The following KRT7 variants were observed in gnomAD, a reference collection of about 807,000 sequenced individuals.
KRT7 encodes keratin 7.
Under a neutral mutation model 42.8 loss-of-function variants are expected in KRT7, and 50 were observed. The ratio of observed to expected loss-of-function variants is 1.17; its 90% CI spans 0.93 to 1.48. The LOEUF (loss-of-function observed/expected upper bound fraction) is 1.48. Ranked by LOEUF, KRT7 falls within the 40% of genes most tolerant of loss-of-function variation. The pLI is 0.00. For missense variants in KRT7, 588 were observed against 637.6 expected (o/e 0.92, Z 0.84); for synonymous variants, 268 against 266.3 (o/e 1.01, Z -0.06).
Position 52,233,503 on chromosome 12 carries a change from C to T in KRT7, c.207C>T (p.Asn69=). ...VGAGIREVTI[N]QSLLAPLRLD... is the part of the protein sequence containing the mutation. ...CCGGCATCCGCGAGGTCACCATTAA[C>T]CAGAGCCTGCTGGCCCCGCTGCGGC... The change falls in exon 1 of 9, where the codon AAC becomes AAT. Residue 69 remains asparagine (N), a synonymous_variant. Transcript: ENST00000331817. 1 of 1,612,596 alleles carries T rather than the reference C, an allele frequency of 6.2e-7. No individual in the cohort carries two copies. Among genetic ancestry groups the T allele is most frequent in the Non-Finnish European group, 8.5e-7 (1 of 1,179,744 alleles).
intron 2 of KRT7, among the ~76,000 whole-genome samples, 182 bp from the exon 3 acceptor site, chr12:52,237,327 C>T (rs1218793352): frequency 4.2e-4 from 64 of 152,126 alleles, no homozygotes; most frequent in Admixed American, 4.2e-3. Context: ...GACTCAAAGC[C>T]CTAGGAATGG....
At chr12:52,247,886 C>T (rs965510572) in intron 7 of KRT7, 3 of 476,874 alleles carry the variant, frequency 6.3e-6, no homozygotes, top group Non-Finnish European at 7.5e-6. Context: ...GTCATTTAAC[C>T]CTCACAGGCC....
downstream of KRT7, chr12:52,253,569 T>C (rs368824935): frequency 9.4e-6 from 15 of 1,599,580 alleles, no homozygotes; most frequent in African/African-American, 1.1e-4. Context: ...CCAACTGCCA[T>C]GTCTAGCAGG....
chr12:52,236,243 T>G (rs1345825822), intron 2 of KRT7, among the ~76,000 whole-genome samples: 1 of 147,840 alleles, frequency 6.8e-6, no homozygotes, highest in East Asian at 2.1e-4. Context: ...GTCAACAGGA[T>G]TAGTCCCATA....
chr12:52,234,876 C>T (rs1180955588), intron 1 of KRT7, among the ~76,000 whole-genome samples: 1 of 152,208 alleles, frequency 6.6e-6, no homozygotes, highest in Non-Finnish European at 1.5e-5. Context: ...GAGAACACCA[C>T]CTGTAATGTG....
chr12:52,251,916 G>A, downstream of KRT7: 1 of 485,686 alleles, frequency 2.1e-6, no homozygotes, highest in Non-Finnish European at 4.0e-6. Flanking sequence ...TTGAGGCAGA[G>A]ACTACATGGC....
downstream of KRT7, chr12:52,255,338 G>A: frequency 2.2e-6 from 1 of 456,794 alleles, no homozygotes. Flanking sequence ...CAAGGATTCT[G>A]GGGTCACTCA....
downstream of KRT7, chr12:52,253,194 G>T (rs1942293405): frequency 6.3e-7 from 1 of 1,591,522 alleles, no homozygotes; most frequent in African/African-American, 1.3e-5. Context: ...ACACTGAGGG[G>T]TGGGCTGGGC....
At chr12:52,234,151 C>A (rs1941975437) in intron 1 of KRT7, among the ~76,000 whole-genome samples, 1 of 151,462 alleles carries the variant, frequency 6.6e-6, no homozygotes, top group South Asian at 2.1e-4. Context: ...CCGCCCCTCC[C>A]CTCCCCCACC....
chr12:52,233,507 A>G lies in KRT7; in HGVS notation c.211A>G (p.Ser71Gly), dbSNP rs771165304. The change falls in exon 1 of 9, where the codon AGC becomes GGC. Residue 71 changes from serine to glycine, a missense_variant. By Grantham distance (56) the Ser-to-Gly change is moderately conservative. Transcript: ENST00000331817. ...CATCCGCGAGGTCACCATTAACCAGAGCCTGCTGGCCCCGCTGCGGCTGGA... is the reference window on the plus strand; with the variant it reads ...CATCCGCGAGGTCACCATTAACCAGGGCCTGCTGGCCCCGCTGCGGCTGGA... ...AGIREVTINQ[S>G]LLAPLRLDAD... The G allele has an allele frequency of 6.2e-7, 1 of 1,612,408 alleles. No individual in the cohort carries two copies. Among genetic ancestry groups the G allele is most frequent in the African/African-American group, 1.3e-5 (1 of 74,848 alleles).
rs1394980012 is a variant in KRT7 at position 52,248,334 on chromosome 12, C to T, written c.1240+123C>T. 4 of 1,002,954 alleles carry T rather than the reference C, an allele frequency of 4.0e-6. No homozygotes were observed. The Admixed American group carries it at 8.0e-5, about 20-fold the overall frequency. 62.1% of individuals were successfully genotyped at this position (1,002,954 alleles called of 1,614,324 possible). A position where few individuals can be genotyped will look rare whatever the true frequency, so the allele number is the denominator to read the frequency against. On this transcript the variant is annotated intron_variant, in intron 8 of 8. Coordinates refer to ENST00000331817, the MANE Select transcript of KRT7 (RefSeq NM_005556.4). ...GGGCCAGGAGACTCCTTCCTTTCTA[C>T]AGGGATTGACAGGTCCCCTGGAGCA... is the stretch of plus-strand genomic sequence containing the variant.
intron 4 of KRT7, 89 bp downstream of exon 4, chr12:52,238,864 C>G: frequency 1.2e-6 from 1 of 820,250 alleles, no homozygotes; most frequent in Non-Finnish European, 2.1e-6. Context: ...CTGTGTCAGT[C>G]CAGATATGTG....
chr12:52,251,816 C>A, downstream of KRT7: 1 of 359,374 alleles, frequency 2.8e-6, no homozygotes, highest in Non-Finnish European at 5.5e-6. Flanking sequence ...TCCTGTTTGT[C>A]AATCAAGTTT....
At chr12:52,243,840 TG>T (rs1942130317) in intron 6 of KRT7, among the ~76,000 whole-genome samples, 2 of 152,266 alleles carry the variant, frequency 1.3e-5, no homozygotes, top group South Asian at 4.1e-4. Context: ...AAGTGATTGA[TG>T]GTCCCTACCT....
intron 8 of KRT7, 53 bp downstream of exon 8, chr12:52,248,264 G>T: frequency 6.3e-7 from 1 of 1,585,586 alleles, no homozygotes; most frequent in Non-Finnish European, 8.7e-7. Flanking sequence ...GTTTAGATGG[G>T]GCTGGGTCTA....
chr12:52,236,051 T>C (rs936601266), intron 2 of KRT7, among the ~76,000 whole-genome samples: 1 of 152,076 alleles, frequency 6.6e-6, no homozygotes, highest in Non-Finnish European at 1.5e-5. Flanking sequence ...AACAAAAGCC[T>C]GAAGCTCAGG....
At chr12:52,245,368 G>A in intron 6 of KRT7, 44 bp from the exon 7 acceptor site, 1 of 1,598,390 alleles carries the variant, frequency 6.3e-7, no homozygotes, top group Non-Finnish European at 8.5e-7. Flanking sequence ...AGGCAGGAAG[G>A]CAGACTGGTG....
chr12:52,238,854 C>CTGTGTCAGTCCAGATA, intron 4 of KRT7, 79 bp downstream of exon 4: 1 of 902,768 alleles, frequency 1.1e-6, no homozygotes, highest in Non-Finnish European at 1.8e-6. Context: ...CCCCCCGCCT[C>CTGTGTCAGTCCAGATA]TGTGTCAGTC....
Position 52,245,448 on chromosome 12 carries a change from G to A in KRT7, c.1021G>A (p.Glu341Lys). The A allele has an allele frequency of 6.2e-7, 1 of 1,614,046 alleles. No individual in the cohort carries two copies. The highest frequency in any genetic ancestry group is 8.5e-7 in the Non-Finnish European group (1 of 1,179,998). Residue 341 changes from glutamate (E) to lysine (K), a missense_variant, in exon 7 of 9, where the codon GAG becomes AAG. Transcript: ENST00000331817. ...KLEAAIAEAE[E>K]RGELALKDAR... is the part of the protein sequence containing the mutation. ...GGAGGCCGCCATTGCCGAGGCTGAGGAGCGTGGGGAGCTGGCGCTCAAGGA... is the reference window on the plus strand; with the variant it reads ...GGAGGCCGCCATTGCCGAGGCTGAGAAGCGTGGGGAGCTGGCGCTCAAGGA...
Sources: gnomAD v4.1 joint callset for allele counts (sites outside exome capture counted in the v4.1 genomes callset) on GRCh38, gnomAD v4.1.1 for gene constraint, MANE v1.5 for transcripts, NCBI Gene and HGNC (gene_info 2026-07-23, HGNC 2026-07-21) for gene names.